The following SLC24A2 variants were observed in gnomAD, a reference collection of about 807,000 sequenced individuals.
SLC24A2 encodes the protein sodium/potassium/calcium exchanger 2.
In SLC24A2, 36 loss-of-function variants were observed where a neutral mutation model predicts 62.0. That is an observed-to-expected ratio of 0.58 (90% CI 0.44 to 0.77). The LOEUF (loss-of-function observed/expected upper bound fraction) is 0.77, where lower values mean the gene tolerates loss of function less well. Among genes scored for constraint, SLC24A2 ranks in the 30% least tolerant of loss-of-function variants. The pLI, the probability that SLC24A2 is intolerant of heterozygous loss-of-function variation, is 0.00. For synonymous variants in SLC24A2, 358 were observed against 294.0 expected, an observed-to-expected ratio of 1.22 and a Z score of -2.23; for missense variants, 846 against 817.9, an observed-to-expected ratio of 1.03 and a Z score of -0.42.
the SLC24A2 span, among the ~76,000 whole-genome samples, chr9:19,900,918 C>T: frequency 6.6e-6 from 1 of 152,170 alleles, no homozygotes; most frequent in Non-Finnish European, 1.5e-5. Context: ...GCCCATATAT[C>T]ACAGGTAGAC....
At chr9:19,873,320 TTC>T in the SLC24A2 span, among the ~76,000 whole-genome samples, 2 of 151,606 alleles carry the variant, frequency 1.3e-5, no homozygotes, top group African/African-American at 4.8e-5. Flanking sequence ...CCTTCCGTCC[TTC>T]TCTTTCTTTC....
At chr9:19,636,285 T>TTTC (rs1818313890) in intron 2 of SLC24A2, among the ~76,000 whole-genome samples, 6 of 88,532 alleles carry the variant, frequency 6.8e-5, no homozygotes, top group African/African-American at 3.2e-4. Context: ...TCTCTTCTTC[T>TTTC]CTTCTTTTCT....
the SLC24A2 span, among the ~76,000 whole-genome samples, chr9:19,886,856 G>A: frequency 6.6e-6 from 1 of 152,144 alleles, no homozygotes; most frequent in Non-Finnish European, 1.5e-5. Flanking sequence ...TATACACCAT[G>A]GAATACTATG....
chr9:19,980,740 A>C, the SLC24A2 span, among the ~76,000 whole-genome samples: 1 of 152,166 alleles, frequency 6.6e-6, no homozygotes, highest in Non-Finnish European at 1.5e-5. Context: ...CCCAGGCTCA[A>C]ACAGGATTAA....
the SLC24A2 span, among the ~76,000 whole-genome samples, chr9:20,098,272 T>A: frequency 6.6e-6 from 1 of 152,160 alleles, no homozygotes; most frequent in African/African-American, 2.4e-5. Context: ...TTACTAGTGC[T>A]CAAGGCAAGG....
intron 2 of SLC24A2, among the ~76,000 whole-genome samples, chr9:19,708,269 T>C (rs937178131): frequency 5.3e-5 from 8 of 152,122 alleles, no homozygotes; most frequent in Non-Finnish European, 1.2e-4. Context: ...TACAAACAAA[T>C]GGAAGAACAT....
the SLC24A2 span, among the ~76,000 whole-genome samples, chr9:20,199,742 A>G: frequency 6.7e-6 from 1 of 148,772 alleles, no homozygotes; most frequent in African/African-American, 2.5e-5. Flanking sequence ...TTTTTCTGAC[A>G]GAATCTTGCT....
the SLC24A2 span, among the ~76,000 whole-genome samples, chr9:19,838,300 C>G: frequency 1.2e-4 from 19 of 152,066 alleles, no homozygotes; most frequent in South Asian, 4.2e-4. Flanking sequence ...ACAAACCTGA[C>G]AAAAACAAGA....
At chr9:19,750,258 C>T (rs1407890812) in intron 2 of SLC24A2, among the ~76,000 whole-genome samples, 1 of 152,030 alleles carries the variant, frequency 6.6e-6, no homozygotes, top group African/African-American at 2.4e-5. Context: ...TCTGTCCTCC[C>T]CAGTTGCCTA....
At chr9:19,541,203 G>C (rs1284084853) in intron 8 of SLC24A2, among the ~76,000 whole-genome samples, 2 of 141,034 alleles carry the variant, frequency 1.4e-5, no homozygotes, top group African/African-American at 5.4e-5. Flanking sequence ...TCTTCTCTCA[G>C]CTCGTCAAAA....
At chr9:19,924,743 G>C in the SLC24A2 span, among the ~76,000 whole-genome samples, 2 of 152,154 alleles carry the variant, frequency 1.3e-5, no homozygotes, top group Non-Finnish European at 2.9e-5. Flanking sequence ...GAATCTCTGA[G>C]GGTAAAACAC....
chr9:20,151,644 G>A, the SLC24A2 span, among the ~76,000 whole-genome samples: 1 of 151,778 alleles, frequency 6.6e-6, no homozygotes, highest in South Asian at 2.1e-4. Context: ...ACCACAAGTG[G>A]GACTGAGGAA....
chr9:19,536,377 G>C (rs1833978582), intron 8 of SLC24A2, among the ~76,000 whole-genome samples: 1 of 110,382 alleles, frequency 9.1e-6, no homozygotes, highest in Non-Finnish European at 1.7e-5. Context: ...ACAGTCTCCA[G>C]AGTGTGATAT....
chr9:19,800,204 A>G, the SLC24A2 span, among the ~76,000 whole-genome samples: 6 of 152,222 alleles, frequency 3.9e-5, no homozygotes, highest in Non-Finnish European at 8.8e-5. Flanking sequence ...TGTGGAAGGC[A>G]TTTTTCAACC....
the SLC24A2 span, among the ~76,000 whole-genome samples, chr9:19,833,116 AG>A: frequency 6.6e-6 from 1 of 152,200 alleles, no homozygotes; most frequent in African/African-American, 2.4e-5. Flanking sequence ...ATGGCCGAAT[AG>A]GAACAGCTCC....
chr9:19,520,772 T>G, intron 10 of SLC24A2, 122 bp downstream of exon 10: 1 of 870,124 alleles, frequency 1.1e-6, no homozygotes, highest in Non-Finnish European at 1.9e-6. Context: ...TCTCAATCTT[T>G]ACTCTGTATT....
chr9:20,115,117 A>G, the SLC24A2 span, among the ~76,000 whole-genome samples: 1 of 152,164 alleles, frequency 6.6e-6, no homozygotes, highest in African/African-American at 2.4e-5. Flanking sequence ...AGCCTGGGAC[A>G]AAGTTCCTCT....
At chr9:19,714,860 C>G (rs1820814707) in intron 2 of SLC24A2, among the ~76,000 whole-genome samples, 1 of 152,042 alleles carries the variant, frequency 6.6e-6, no homozygotes, top group African/African-American at 2.4e-5. Flanking sequence ...GATCTTTAGA[C>G]ATGTTTGCCC....
chr9:20,217,029 A>G, the SLC24A2 span, among the ~76,000 whole-genome samples: 2 of 152,208 alleles, frequency 1.3e-5, no homozygotes, highest in African/African-American at 4.8e-5. Context: ...AAAGTCAAGA[A>G]GAAAAATGTT....
Sources: gnomAD v4.1 joint callset for allele counts (sites outside exome capture counted in the v4.1 genomes callset) on GRCh38, gnomAD v4.1.1 for gene constraint, MANE v1.5 for transcripts, NCBI Gene and HGNC (gene_info 2026-07-23, HGNC 2026-07-21) for gene names.